Variants in CC2D2A observed in about 807,000 individuals in gnomAD.
The protein encoded by CC2D2A is coiled-coil and C2 domain containing 2A.
In CC2D2A, 155 loss-of-function variants were observed where a neutral mutation model predicts 212.9. The ratio of observed to expected loss-of-function variants is 0.73; its 90% CI spans 0.64 to 0.83. CC2D2A has a LOEUF of 0.83. Among genes scored for constraint, CC2D2A ranks in the 40% least tolerant of loss-of-function variants. CC2D2A has a pLI of 0.00. For missense variants in CC2D2A, 1,856 were observed against 1,956.2 expected (o/e 0.95, Z 0.97); for synonymous variants, 667 against 686.5 (o/e 0.97, Z 0.44).
chr4:15,523,248 G>A (rs538393337), intron 11 of CC2D2A, among the ~76,000 whole-genome samples: 6 of 151,170 alleles, frequency 4.0e-5, no homozygotes, highest in African/African-American at 1.5e-4. Context: ...TTAACTAAAA[G>A]TCTACTATAT....
At chr4:15,577,714 C>CTTT (rs537406474) in intron 29 of CC2D2A, among the ~76,000 whole-genome samples, 1 of 146,298 alleles carries the variant, frequency 6.8e-6, no homozygotes, top group South Asian at 2.2e-4. Flanking sequence ...TTTAGACACA[C>CTTT]TTTTTTTTTT....
chr4:15,597,549 T>C lies in CC2D2A; in HGVS notation c.4496+84T>C, dbSNP rs1721373277. Reference sequence around the variant, plus strand: ...TTAAACCACTGTCAGCCTGGATGAATGTGAAACAATTTAGGCAACTTAACT... The same window carrying C: ...TTAAACCACTGTCAGCCTGGATGAACGTGAAACAATTTAGGCAACTTAACT... On this transcript the variant is annotated intron_variant, in intron 35 of 36. Transcript: ENST00000424120. 3.8e-6 allele frequency: 4 copies of C among 1,060,756 alleles called. No homozygotes were observed. The East Asian group carries it at 7.8e-5, about 21-fold the overall frequency. 65.7% of individuals were successfully genotyped at this position (1,060,756 alleles called of 1,614,324 possible).
chr4:15,506,995 G>A (rs1466707687), intron 6 of CC2D2A, among the ~76,000 whole-genome samples: 5 of 151,276 alleles, frequency 3.3e-5, no homozygotes, highest in East Asian at 1.9e-4. Flanking sequence ...GGAGAATCTC[G>A]TGAACGCGGG....
rs191077252 is a variant in CC2D2A, at chr4:15,541,133, A to G, written c.2181+119A>G. 2,170 of 726,050 alleles carry G rather than the reference A, an allele frequency of 3.0e-3. 7 individuals are homozygous for G. Among genetic ancestry groups the G allele is most frequent in the Non-Finnish European group, 3.4e-3 (1,612 of 475,358 alleles). The allele number at this position is 726,050 out of a possible 1,614,324, so 45.0% of individuals were successfully genotyped here. ...TCGAGACCAGCCTGGCCAACATGGC[A>G]AAACCACATCTCTACTGTAAATACA... On this transcript the variant is annotated intron_variant, in intron 17 of 36. Transcript: ENST00000424120.
chr4:15,491,605 A>G (rs1307226890), intron 4 of CC2D2A, among the ~76,000 whole-genome samples: 1 of 152,182 alleles, frequency 6.6e-6, no homozygotes, highest in Non-Finnish European at 1.5e-5. Context: ...GGGTTTCACC[A>G]TGTCAGCCAG....
At chr4:15,514,938 G>C in intron 9 of CC2D2A, 69 bp downstream of exon 9, 1 of 1,428,148 alleles carries the variant, frequency 7.0e-7, no homozygotes, top group East Asian at 2.3e-5. Flanking sequence ...AATATGGCTA[G>C]TGTATAAGGA....
intron 14 of CC2D2A, 86 bp downstream of exon 14, chr4:15,533,419 T>C: frequency 9.5e-7 from 1 of 1,048,606 alleles, no homozygotes; most frequent in Non-Finnish European, 1.3e-6. Context: ...TTAAAAGTAA[T>C]TACAAACAAA....
At chr4:15,514,952 C>T in intron 9 of CC2D2A, 83 bp downstream of exon 9, 1 of 1,211,938 alleles carries the variant, frequency 8.3e-7, no homozygotes, top group Non-Finnish European at 1.2e-6. Flanking sequence ...ATAAGGATGC[C>T]TCATCTCCAG....
chr4:15,593,567 T>A (rs1721197720), intron 33 of CC2D2A, among the ~76,000 whole-genome samples: 1 of 152,218 alleles, frequency 6.6e-6, no homozygotes. Context: ...CATTTGGATG[T>A]GAGAGAGACA....
intron 13 of CC2D2A, among the ~76,000 whole-genome samples, chr4:15,532,773 A>G (rs762809641): frequency 2.0e-5 from 3 of 152,236 alleles, no homozygotes; most frequent in South Asian, 2.1e-4. Flanking sequence ...TGCAATAACA[A>G]TACTTCATCT....
intron 29 of CC2D2A, chr4:15,576,639 G>T (rs1720425292): frequency 1.3e-5 from 2 of 152,594 alleles, no homozygotes; most frequent in South Asian, 2.1e-4. Flanking sequence ...TAAGTATTTT[G>T]TTTTACTATT....
At position 15,522,177 on chromosome 4, in the gene CC2D2A, GT is replaced by G. The variant is rs763562295; in HGVS notation, c.1150-5268del. ...TATCACACCACTGCACGCCAGCTTG[GT>G]TGACAGAGCGAGACCTTGTCTCTAA... On this transcript the variant is annotated intron_variant, in intron 11 of 36. Coordinates refer to ENST00000424120, the MANE Select transcript of CC2D2A (RefSeq NM_001378615.1). Among the ~76,000 whole-genome samples, 16 of 152,308 alleles carry G rather than the reference GT, an allele frequency of 1.1e-4. No individual in the cohort carries two copies. In the South Asian group the frequency reaches 3.3e-3, roughly 32 times the overall value.
intron 33 of CC2D2A, among the ~76,000 whole-genome samples, chr4:15,594,391 G>C (rs1039531550): frequency 6.6e-6 from 1 of 152,130 alleles, no homozygotes; most frequent in Admixed American, 6.5e-5. Flanking sequence ...TCAGGGATCT[G>C]AGTCAGCTGG....
intron 4 of CC2D2A, among the ~76,000 whole-genome samples, chr4:15,495,387 G>A (rs1377824809): frequency 6.6e-6 from 1 of 152,170 alleles, no homozygotes; most frequent in Admixed American, 6.5e-5. Context: ...AGGATTACAG[G>A]CATGAGCCAC....
chr4:15,494,518 T>C (rs183524069), intron 4 of CC2D2A, among the ~76,000 whole-genome samples: 327 of 152,374 alleles, frequency 2.1e-3, no homozygotes, highest in Admixed American at 4.7e-3. Context: ...CATTTTGACT[T>C]TCTTTTCATG....
At chr4:15,509,871 AT>A (rs1284507164) in intron 6 of CC2D2A, among the ~76,000 whole-genome samples, 4 of 152,178 alleles carry the variant, frequency 2.6e-5, no homozygotes, top group Admixed American at 2.6e-4. Context: ...AATGGTAAGT[AT>A]TTTTTTATGT....
intron 29 of CC2D2A, among the ~76,000 whole-genome samples, chr4:15,578,796 G>GT (rs1248017599): frequency 2.0e-4 from 21 of 106,226 alleles, no homozygotes; most frequent in African/African-American, 7.3e-4. Context: ...TGGTTTGTTT[G>GT]TTTGTTTGTT....
chr4:15,591,471 A>G (rs575009593), intron 33 of CC2D2A, among the ~76,000 whole-genome samples: 2 of 152,228 alleles, frequency 1.3e-5, no homozygotes, highest in South Asian at 4.2e-4. Context: ...TGCCCGCCTC[A>G]GCCTCCCAAA....
Position 15,567,665 on chromosome 4 carries a change from C to T in CC2D2A, c.3289-12C>T, listed in dbSNP as rs1215827679. On this transcript the variant is annotated splice_polypyrimidine_tract_variant and intron_variant, in intron 25 of 36. Coordinates refer to ENST00000424120, the MANE Select transcript of CC2D2A (RefSeq NM_001378615.1). ...AACCATTGGGAACTCAGAATTTGCT[C>T]TTGATTTTAAGGTTTTAGTACGTCC... is the stretch of plus-strand genomic sequence containing the variant. The T allele has an allele frequency of 1.3e-6, 2 of 1,576,164 alleles. No homozygotes were observed.
Sources: gnomAD v4.1 joint callset for allele counts (sites outside exome capture counted in the v4.1 genomes callset) on GRCh38, gnomAD v4.1.1 for gene constraint, MANE v1.5 for transcripts, NCBI Gene and HGNC (gene_info 2026-07-23, HGNC 2026-07-21) for gene names.